LHFPL6: variants seen among roughly 807,000 people sequenced by gnomAD.
LHFPL6 encodes the protein LHFPL tetraspan subfamily member 6.
LHFPL6 carries 9 observed loss-of-function variants against 20.6 expected under a neutral mutation model. That is an observed-to-expected ratio of 0.44 (90% CI 0.26 to 0.76). The LOEUF is 0.76. Among genes scored for constraint, LHFPL6 ranks in the 30% least tolerant of loss-of-function variants. LHFPL6 has a pLI of 0.20. For missense variants in LHFPL6, 218 were observed against 253.5 expected, an observed-to-expected ratio of 0.86 and a Z score of 0.95; for synonymous variants, 105 against 98.7, an observed-to-expected ratio of 1.06 and a Z score of -0.38.
At chr13:39,596,698 A>C (rs758006580) in intron 2 of LHFPL6, among the ~76,000 whole-genome samples, 3 of 152,100 alleles carry the variant, frequency 2.0e-5, no homozygotes, top group Non-Finnish European at 4.4e-5. Flanking sequence ...AAGTGACCTA[A>C]GAAGAAGTCT....
At chr13:39,532,494 A>T (rs1870496311) in intron 2 of LHFPL6, among the ~76,000 whole-genome samples, 1 of 152,310 alleles carries the variant, frequency 6.6e-6, no homozygotes, top group African/African-American at 2.4e-5. Context: ...ATATATTCAA[A>T]TTTATATCAT....
intron 3 of LHFPL6, among the ~76,000 whole-genome samples, chr13:39,363,110 T>C (rs1370496003): frequency 6.6e-6 from 1 of 152,228 alleles, no homozygotes. Flanking sequence ...AAGCAAAGCC[T>C]GTCTTCCAAA....
chr13:39,602,332 C>A (rs1227573837), intron 1 of LHFPL6, among the ~76,000 whole-genome samples: 1 of 152,118 alleles, frequency 6.6e-6, no homozygotes, highest in African/African-American at 2.4e-5. Flanking sequence ...CAAATTTCCC[C>A]CTTTCTTCAC....
chr13:39,431,716 G>A (rs1023989345), intron 2 of LHFPL6, among the ~76,000 whole-genome samples: 5 of 105,110 alleles, frequency 4.8e-5, no homozygotes, highest in Non-Finnish European at 9.6e-5. Flanking sequence ...TGTAGAATTT[G>A]TGGGGGGGGG....
At chr13:39,574,051 G>A (rs1872021210) in intron 2 of LHFPL6, among the ~76,000 whole-genome samples, 1 of 152,110 alleles carries the variant, frequency 6.6e-6, no homozygotes, top group Non-Finnish European at 1.5e-5. Flanking sequence ...ATAATGGGAA[G>A]GAACAGATTT....
chr13:39,362,035 ATCTAAAATTAC>A (rs1274077365), intron 3 of LHFPL6, among the ~76,000 whole-genome samples: 4 of 152,226 alleles, frequency 2.6e-5, no homozygotes, highest in African/African-American at 7.2e-5. Flanking sequence ...TTTTCTATAT[ATCTAAAATTAC>A]TCCAAAATCA....
At chr13:39,562,409 C>CATATATATACAT (rs1354505026) in intron 2 of LHFPL6, among the ~76,000 whole-genome samples, 1,236 of 101,664 alleles carry the variant, frequency 0.012, 38 homozygotes, top group South Asian at 0.033. Context: ...CATATATACA[C>CATATATATACAT]ATATACACAT....
intron 2 of LHFPL6, among the ~76,000 whole-genome samples, chr13:39,452,842 T>A (rs1358030159): frequency 6.6e-6 from 1 of 152,228 alleles, no homozygotes; most frequent in East Asian, 1.9e-4. Context: ...TCCTAGTCTT[T>A]TTCCCTTTAT....
intron 2 of LHFPL6, among the ~76,000 whole-genome samples, chr13:39,393,105 G>C (rs1190810956): frequency 6.6e-6 from 1 of 152,154 alleles, no homozygotes; most frequent in Non-Finnish European, 1.5e-5. Flanking sequence ...CATTTTACAT[G>C]AGGGACTTGA....
At chr13:39,352,461 T>C (rs1400158628) in intron 3 of LHFPL6, among the ~76,000 whole-genome samples, 1 of 152,232 alleles carries the variant, frequency 6.6e-6, no homozygotes, top group Non-Finnish European at 1.5e-5. Flanking sequence ...CACAGGACAC[T>C]GTAACTCGGG....
At chr13:39,517,149 G>T (rs1869951124) in intron 2 of LHFPL6, among the ~76,000 whole-genome samples, 1 of 152,126 alleles carries the variant, frequency 6.6e-6, no homozygotes, top group Non-Finnish European at 1.5e-5. Context: ...AAAATACTGT[G>T]GACCGTAGGG....
intron 2 of LHFPL6, among the ~76,000 whole-genome samples, chr13:39,517,304 A>G (rs1869956849): frequency 6.6e-6 from 1 of 152,226 alleles, no homozygotes; most frequent in African/African-American, 2.4e-5. Flanking sequence ...GTGAACTTTC[A>G]TAGTATGGGA....
intron 2 of LHFPL6, among the ~76,000 whole-genome samples, chr13:39,571,748 G>C (rs1871923166): frequency 6.6e-6 from 1 of 152,238 alleles, no homozygotes; most frequent in Non-Finnish European, 1.5e-5. Flanking sequence ...GTGGACAGTG[G>C]AATTTAAGGA....
At chr13:39,452,339 C>T (rs1337738791) in intron 2 of LHFPL6, among the ~76,000 whole-genome samples, 2 of 152,154 alleles carry the variant, frequency 1.3e-5, no homozygotes, top group African/African-American at 4.8e-5. Flanking sequence ...AATGTTTGCC[C>T]TTCAAAGAGA....
intron 2 of LHFPL6, among the ~76,000 whole-genome samples, chr13:39,508,081 C>T (rs527383476): frequency 1.7e-4 from 25 of 151,424 alleles, no homozygotes; most frequent in South Asian, 1.5e-3. Flanking sequence ...AGTGCAATGG[C>T]GCCATCTCGG....
intron 2 of LHFPL6, among the ~76,000 whole-genome samples, chr13:39,452,980 C>T (rs971566191): frequency 2.0e-5 from 3 of 152,106 alleles, no homozygotes; most frequent in Non-Finnish European, 2.9e-5. Flanking sequence ...CCAGAGGCAG[C>T]CTGGAATAAA....
At chr13:39,368,434 T>C (rs928379679) in intron 3 of LHFPL6, among the ~76,000 whole-genome samples, 1 of 151,930 alleles carries the variant, frequency 6.6e-6, no homozygotes. Flanking sequence ...ATACAAAAAT[T>C]AGCTGGGTCT....
At chr13:39,400,078 A>G (rs1435791554) in intron 2 of LHFPL6, among the ~76,000 whole-genome samples, 1 of 152,140 alleles carries the variant, frequency 6.6e-6, no homozygotes, top group African/African-American at 2.4e-5. Context: ...GGGCAACAAG[A>G]GCAAAACTCT....
intron 2 of LHFPL6, among the ~76,000 whole-genome samples, chr13:39,537,957 T>C (rs192289182): frequency 7.5e-4 from 114 of 151,232 alleles, no homozygotes; most frequent in African/African-American, 2.5e-3. Context: ...TTACTTCTCA[T>C]ACCCTGAATG....
Sources: allele counts gnomAD v4.1 joint callset (sites outside exome capture counted in the v4.1 genomes callset), GRCh38; gene constraint gnomAD v4.1.1; transcripts MANE v1.5; gene names NCBI Gene and HGNC (gene_info 2026-07-23, HGNC 2026-07-21).